Variants in CERS4 observed in about 807,000 individuals in gnomAD.
CERS4 encodes LAG1 homolog, ceramide synthase 4.
Under a neutral mutation model 51.8 loss-of-function variants are expected in CERS4, and 65 were observed. The ratio of observed to expected loss-of-function variants is 1.26; its 90% CI spans 1.03 to 1.54. The LOEUF is 1.54. CERS4 is among the 40% of genes most tolerant of loss of function. The pLI is 0.00. For synonymous variants in CERS4, 228 were observed against 208.4 expected (o/e 1.09, Z -0.81); for missense variants, 563 against 500.4 (o/e 1.13, Z -1.19).
intron 2 of CERS4, among the ~76,000 whole-genome samples, chr19:8,247,058 C>A (rs758722072): frequency 7.2e-5 from 11 of 152,086 alleles, no homozygotes; most frequent in Non-Finnish European, 1.5e-4. Flanking sequence ...CCCAGCTACT[C>A]GGGAGACTGA....
intron 2 of CERS4, among the ~76,000 whole-genome samples, chr19:8,214,971 GAAA>G: frequency 1.5e-5 from 1 of 65,604 alleles, no homozygotes; most frequent in Non-Finnish European, 3.9e-5. Flanking sequence ...GGGAGGAGGA[GAAA>G]AAGGAAGAGG....
intron 2 of CERS4, among the ~76,000 whole-genome samples, chr19:8,241,037 G>T (rs1968517875): frequency 6.6e-6 from 1 of 152,156 alleles, no homozygotes; most frequent in Non-Finnish European, 1.5e-5. Context: ...GAAGAGGCTG[G>T]TCACACTGGC....
At chr19:8,222,960 G>A (rs931846789) in intron 2 of CERS4, among the ~76,000 whole-genome samples, 11 of 152,114 alleles carry the variant, frequency 7.2e-5, no homozygotes, top group Admixed American at 2.6e-4. Context: ...TTGTGCAGTC[G>A]GTGGACAGTT....
intron 2 of CERS4, among the ~76,000 whole-genome samples, chr19:8,237,248 A>G (rs1005840468): frequency 1.6e-4 from 25 of 151,770 alleles, no homozygotes; most frequent in Admixed American, 9.2e-4. Context: ...GGGTGTGTAC[A>G]TATGTCAAAA....
At chr19:8,232,315 G>C (rs1420030726) in intron 2 of CERS4, among the ~76,000 whole-genome samples, 1 of 151,232 alleles carries the variant, frequency 6.6e-6, no homozygotes, top group Non-Finnish European at 1.5e-5. Flanking sequence ...TTTTAAGACA[G>C]AATCTTGCTC....
chr19:8,246,148 G>A (rs1344219428), intron 2 of CERS4, among the ~76,000 whole-genome samples: 1 of 151,842 alleles, frequency 6.6e-6, no homozygotes, highest in Admixed American at 6.6e-5. Flanking sequence ...TGACAGGACA[G>A]GGGTGGAGGT....
intron 2 of CERS4, among the ~76,000 whole-genome samples, chr19:8,223,610 ACT>A (rs898501205): frequency 5.3e-5 from 8 of 151,262 alleles, no homozygotes; most frequent in South Asian, 2.1e-4. Context: ...CAAGAGAGAA[ACT>A]CTGTCTAAAA....
At chr19:8,238,043 C>G (rs189154666) in intron 2 of CERS4, among the ~76,000 whole-genome samples, 5,086 of 152,142 alleles carry the variant, frequency 0.033, 132 homozygotes, top group Middle Eastern at 0.079. Flanking sequence ...GTAATCCCCC[C>G]CCACAATCCC....
At position 8,257,039 on chromosome 19, in the gene CERS4, GTGC is replaced by G. The variant is rs1246750257; in HGVS notation, c.709_711del (p.Leu238del). 7 of 1,612,460 alleles carry G rather than the reference GTGC, an allele frequency of 4.3e-6. No homozygotes were observed. Among genetic ancestry groups the G allele is most frequent in the Middle Eastern group, 1.6e-4 (1 of 6,066 alleles). ...CAACCTGCTGCGCATTGGCTCTCTG[GTGC>G]TGCTGTTACACGATTCCTCTGACTA... On this transcript the variant is annotated inframe_deletion, in exon 9 of 12. Transcript: ENST00000251363.
At chr19:8,235,495 C>T (rs1043602236) in intron 2 of CERS4, among the ~76,000 whole-genome samples, 8 of 151,390 alleles carry the variant, frequency 5.3e-5, no homozygotes, top group East Asian at 2.0e-4. Context: ...AATCCCAGCA[C>T]TTTGGGAGGC....
At chr19:8,256,054 G>C in intron 6 of CERS4, 175 bp downstream of exon 6, 1 of 932,956 alleles carries the variant, frequency 1.1e-6, no homozygotes, top group African/African-American at 1.6e-5. Context: ...GATTTACTAT[G>C]CACCAAAAGT....
rs542117891 is a variant in CERS4, at chr19:8,224,767, G to A, written c.-2+13905G>A. 2.6e-5 allele frequency among the ~76,000 whole-genome samples: 4 copies of A among 152,240 alleles called. No individual in the cohort carries two copies. In the East Asian group the frequency reaches 5.8e-4, roughly 22 times the overall value. On this transcript the variant is annotated intron_variant, in intron 2 of 11. Coordinates refer to ENST00000251363, the MANE Select transcript of CERS4 (RefSeq NM_024552.3). ...TCAAGAAATGGGAGCCGTGGAAATC[G>A]GGCAGAGGAGGGACTGTCGCGGGAA...
intron 2 of CERS4, among the ~76,000 whole-genome samples, chr19:8,219,664 A>G (rs1967447702): frequency 6.6e-6 from 1 of 151,466 alleles, no homozygotes; most frequent in Admixed American, 6.6e-5. Context: ...TAAAAATACA[A>G]AAAAATTAGC....
intron 2 of CERS4, among the ~76,000 whole-genome samples, chr19:8,242,107 C>A (rs554258409): frequency 6.6e-6 from 1 of 152,322 alleles, no homozygotes; most frequent in African/African-American, 2.4e-5. Flanking sequence ...AACCACCCTT[C>A]AGGGAGGGCA....
At chr19:8,256,200 TCA>T (rs1491355338) in intron 6 of CERS4, 34 bp from the exon 7 acceptor site, 3 of 1,597,006 alleles carry the variant, frequency 1.9e-6, no homozygotes, top group Non-Finnish European at 2.6e-6. Context: ...GGTTGGATTC[TCA>T]CCTCTGCACA....
At chr19:8,216,604 C>T (rs1967310613) in intron 2 of CERS4, among the ~76,000 whole-genome samples, 1 of 151,994 alleles carries the variant, frequency 6.6e-6, no homozygotes, top group African/African-American at 2.4e-5. Flanking sequence ...AGCAAGACCC[C>T]ATTTCTGAAA....
intron 4 of CERS4, 119 bp downstream of exon 4, chr19:8,254,735 T>C (rs1474569746): frequency 1.5e-5 from 12 of 803,492 alleles, no homozygotes; most frequent in Non-Finnish European, 2.2e-5. Context: ...ACCCCTGCAA[T>C]GCCCCTACTT....
At chr19:8,217,170 AC>A (rs1967334712) in intron 2 of CERS4, among the ~76,000 whole-genome samples, 1 of 151,780 alleles carries the variant, frequency 6.6e-6, no homozygotes, top group African/African-American at 2.4e-5. Flanking sequence ...GGCAGTCAGG[AC>A]CCCTCTGAAA....
intron 10 of CERS4, among the ~76,000 whole-genome samples, chr19:8,260,066 G>A (rs1164614927): frequency 2.0e-5 from 3 of 152,094 alleles, no homozygotes; most frequent in African/African-American, 7.2e-5. Context: ...AGGGGCCCAG[G>A]GAGGAGGGAG....
Sources: gnomAD v4.1 joint callset for allele counts (sites outside exome capture counted in the v4.1 genomes callset) on GRCh38, gnomAD v4.1.1 for gene constraint, MANE v1.5 for transcripts, NCBI Gene and HGNC (gene_info 2026-07-23, HGNC 2026-07-21) for gene names.